The following METTL9 variants were observed in gnomAD, a reference collection of about 807,000 sequenced individuals.
METTL9 encodes the protein methyltransferase 9, His-X-His N1(pi)-histidine, also known as protein-L-histidine N-pros-methyltransferase.
METTL9 carries 10 observed loss-of-function variants against 36.0 expected under a neutral mutation model. The observed-to-expected ratio is 0.28, with a 90% CI of 0.17 to 0.47. The LOEUF is 0.47. METTL9 is among the 20% of genes least tolerant of loss of function. METTL9 has a pLI of 0.99. For synonymous variants in METTL9, 175 were observed against 149.7 expected (o/e 1.17, Z -1.23); for missense variants, 246 against 383.5 (o/e 0.64, Z 3.00).
chr16:21,643,090 T>G (rs762297637), intron 4 of METTL9: 2 of 1,605,974 alleles, frequency 1.2e-6, no homozygotes. Flanking sequence ...CTGATTTGTT[T>G]CCACATGTCT....
rs773508193 is a variant in METTL9, at chr16:21,647,379, C to T, written c.752-7848C>T. On this transcript the variant is annotated intron_variant, in intron 4 of 4. Coordinates refer to ENST00000358154, the MANE Select transcript of METTL9 (RefSeq NM_016025.5). The stretch of plus-strand genomic sequence containing the variant: ...CGAAACCACAGGCATGTTGGTTGCT[C>T]AGAAGGGCATCCGGTTGCGGAGAAG... 3.0e-5 allele frequency: 49 copies of T among 1,613,994 alleles called. 1 individual carries two copies. In the East Asian group the frequency reaches 1.1e-3, roughly 35 times the overall value.
chr16:21,621,860 G>T (rs992306709), intron 3 of METTL9, among the ~76,000 whole-genome samples: 3 of 151,628 alleles, frequency 2.0e-5, no homozygotes, highest in Non-Finnish European at 1.5e-5. Flanking sequence ...CCCAACCCGA[G>T]ATGGCAAGGC....
intron 4 of METTL9, chr16:21,641,564 T>C (rs1236908240): frequency 6.3e-7 from 1 of 1,592,578 alleles, no homozygotes; most frequent in Admixed American, 1.7e-5. Flanking sequence ...AAAGTACTCT[T>C]CTGTTTTCAT....
intron 4 of METTL9, among the ~76,000 whole-genome samples, chr16:21,631,196 T>C (rs1965951948): frequency 6.6e-6 from 1 of 152,216 alleles, no homozygotes; most frequent in Non-Finnish European, 1.5e-5. Context: ...CAGTAGCCAT[T>C]CCTAACCCTA....
chr16:21,624,961 G>A lies in METTL9; in HGVS notation c.597G>A (p.Thr199=), dbSNP rs761915552. ...TTGGTATAAATGAATGGCAGAATACGGGGTTCCAGTATGATGTCATCAGCT... is the reference window on the plus strand; with the variant it reads ...TTGGTATAAATGAATGGCAGAATACAGGGTTCCAGTATGATGTCATCAGCT... ...RVLGINEWQN[T]GFQYDVISCL... is the part of the protein sequence containing the mutation. The change falls in exon 4 of 5, where the codon ACG becomes ACA. Residue 199 remains threonine (T), a synonymous_variant. Transcript: ENST00000358154. 1.3e-5 allele frequency: 21 copies of A among 1,613,874 alleles called. No individual in the cohort carries two copies. The East Asian group carries it at 2.2e-4, about 17-fold the overall frequency.
At chr16:21,625,217 A>C (rs1965791737) in intron 4 of METTL9, 102 bp downstream of exon 4, 1 of 1,292,228 alleles carries the variant, frequency 7.7e-7, no homozygotes, top group South Asian at 1.2e-5. Flanking sequence ...TATGTCTTAT[A>C]ATAGCCTGCA....
chr16:21,635,076 C>T (rs1597772359), intron 4 of METTL9, among the ~76,000 whole-genome samples: 1 of 152,270 alleles, frequency 6.6e-6, no homozygotes, highest in Admixed American at 6.5e-5. Flanking sequence ...AAGCCGTATT[C>T]TTTTCATTAA....
chr16:21,604,966 G>A (rs1965233773), intron 1 of METTL9, among the ~76,000 whole-genome samples: 1 of 152,142 alleles, frequency 6.6e-6, no homozygotes, highest in Admixed American at 6.5e-5. Context: ...GAAAGGGGAA[G>A]GAAATATGAA....
chr16:21,651,245 G>A (rs368680852), intron 4 of METTL9, among the ~76,000 whole-genome samples: 1 of 152,038 alleles, frequency 6.6e-6, no homozygotes, highest in Admixed American at 6.6e-5. Flanking sequence ...AAGCCATATT[G>A]AAAGTAGGAA....
At chr16:21,643,065 TACA>T in intron 4 of METTL9, 1 of 1,580,264 alleles carries the variant, frequency 6.3e-7, no homozygotes, top group Admixed American at 1.7e-5. Context: ...TTTGACATTT[TACA>T]CTTACAGATT....
At chr16:21,604,926 T>C (rs1249713902) in intron 1 of METTL9, among the ~76,000 whole-genome samples, 1 of 152,136 alleles carries the variant, frequency 6.6e-6, no homozygotes, top group Non-Finnish European at 1.5e-5. Context: ...TGAACTGTAC[T>C]TCTCCTCTGA....
chr16:21,629,790 A>G (rs1965904352), intron 4 of METTL9, among the ~76,000 whole-genome samples: 1 of 152,124 alleles, frequency 6.6e-6, no homozygotes, highest in Non-Finnish European at 1.5e-5. Flanking sequence ...ATCTGGCCCC[A>G]CCCACAGCCT....
intron 4 of METTL9, among the ~76,000 whole-genome samples, chr16:21,644,589 ATG>A (rs1966374077): frequency 6.6e-6 from 1 of 152,224 alleles, no homozygotes; most frequent in African/African-American, 2.4e-5. Flanking sequence ...AGTTCTTTAA[ATG>A]TGTTAAACCA....
At chr16:21,633,689 C>G (rs1966018622) in intron 4 of METTL9, among the ~76,000 whole-genome samples, 1 of 152,206 alleles carries the variant, frequency 6.6e-6, no homozygotes, top group African/African-American at 2.4e-5. Context: ...AGATCTTGCA[C>G]TAGTCTCCAC....
intron 3 of METTL9, among the ~76,000 whole-genome samples, chr16:21,619,926 T>C (rs1347285514): frequency 6.6e-6 from 1 of 152,196 alleles, no homozygotes; most frequent in Non-Finnish European, 1.5e-5. Context: ...ATGTTTCTAC[T>C]TTTACAGATT....
intron 4 of METTL9, among the ~76,000 whole-genome samples, chr16:21,630,747 A>G (rs898470550): frequency 7.9e-5 from 12 of 152,172 alleles, no homozygotes; most frequent in African/African-American, 2.9e-4. Flanking sequence ...GATGGCCTCC[A>G]TTCTAGAGGA....
chr16:21,640,915 C>T (rs965882847), intron 4 of METTL9: 1 of 152,120 alleles, frequency 6.6e-6, no homozygotes, highest in Non-Finnish European at 1.5e-5. Flanking sequence ...GAAGTTACCT[C>T]TGTTTAACCT....
chr16:21,641,252 C>T (rs1483002120), intron 4 of METTL9: 1 of 227,808 alleles, frequency 4.4e-6, no homozygotes, highest in African/African-American at 2.3e-5. Flanking sequence ...AGTCATCACA[C>T]ATCTCATGTT....
Position 21,599,763 on chromosome 16 carries a change from G to C in METTL9, c.30G>C (p.Leu10=), listed in dbSNP as rs777817056. The C allele has an allele frequency of 6.5e-7, 1 of 1,538,702 alleles. No individual in the cohort carries two copies. The highest frequency in any genetic ancestry group is 8.7e-7 in the Non-Finnish European group (1 of 1,150,260). Residue 10 remains leucine, a synonymous_variant, in exon 1 of 5, where the codon CTG becomes CTC. Transcript: ENST00000358154. The surrounding 1 kb of genome is among the most constrained non-coding windows in gnomAD (Gnocchi z 4.4). MRLLAGWLC[L]SLASVWLARR... The stretch of plus-strand genomic sequence containing the variant: ...GACTGCTGGCGGGCTGGCTGTGCCT[G>C]AGCCTGGCGTCCGTGTGGCTGGCGC...
Sources: gnomAD v4.1 joint callset for allele counts (sites outside exome capture counted in the v4.1 genomes callset) on GRCh38, gnomAD v4.1.1 for gene constraint, Gnocchi (gnomAD v3.1) non-coding constraint, MANE v1.5 for transcripts, NCBI Gene and HGNC (gene_info 2026-07-23, HGNC 2026-07-21) for gene names.